SEPTIN9: variants seen among roughly 807,000 people sequenced by gnomAD.
SEPTIN9 encodes the protein septin 9, also known as septin-9.
A neutral mutation model predicts 56.6 loss-of-function variants in SEPTIN9; 13 were observed. The ratio of observed to expected loss-of-function variants is 0.23; its 90% confidence interval spans 0.15 to 0.37. The LOEUF (loss-of-function observed/expected upper bound fraction) is 0.37. SEPTIN9 is among the 10% of genes least tolerant of loss of function. The probability of loss-of-function intolerance (pLI) is 1.00; values close to 1 mark genes in which losing one functional copy is unlikely to be tolerated. For missense variants in SEPTIN9, 650 were observed against 823.1 expected (o/e 0.79, Z 2.57); for synonymous variants, 332 against 334.1 (o/e 0.99, Z 0.07).
intron 1 of SEPTIN9, among the ~76,000 whole-genome samples, chr17:77,290,183 C>A (rs1392441170): frequency 6.6e-6 from 1 of 152,066 alleles, no homozygotes; most frequent in Non-Finnish European, 1.5e-5. Context: ...GTTACAGTAG[C>A]CATGCTTATA....
chr17:77,435,831 G>A lies in SEPTIN9; in HGVS notation c.721+33128G>A, dbSNP rs1056916375. ...GCAGCAGCGCAAGCTTGCCAGCGCC[G>A]CACTGCGGGATCTGGAGGCCTTTGC... On this transcript the variant is annotated intron_variant, in intron 3 of 11. Transcript: ENST00000427177. The surrounding 1 kb of genome is among the most constrained non-coding windows in gnomAD (Gnocchi z 4.5). Among the ~76,000 whole-genome samples, 2 of 152,204 alleles carry A rather than the reference G, an allele frequency of 1.3e-5. No homozygotes were observed. The highest frequency in any genetic ancestry group is 2.1e-4 in the South Asian group (1 of 4,828).
In SEPTIN9 at chr17:77,429,091, C is replaced by G. The variant is rs546047527; in HGVS notation, c.721+26388C>G. On this transcript the variant is annotated intron_variant, in intron 3 of 11. Transcript: ENST00000427177. The surrounding 1 kb of genome is among the most constrained non-coding windows in gnomAD (Gnocchi z 5.2). ...GTACCTGTTCTTGGCTATTTGTGCC[C>G]CAGCTCCGTGTCCTCCGGTGTGTGT... 4.4e-4 allele frequency: 207 copies of G among 471,650 alleles called. No individual in the cohort carries two copies. The highest frequency in any genetic ancestry group is 8.0e-4 in the Non-Finnish European group (182 of 227,176). The allele number at this position is 471,650 out of a possible 1,614,324, so 29.2% of individuals were successfully genotyped here. A position where few individuals can be genotyped will look rare whatever the true frequency, so the allele number is the denominator to read the frequency against.
rs767758713 is a variant in SEPTIN9 at position 77,402,646 on chromosome 17, A to G, written c.664A>G (p.Arg222Gly). Reference protein sequence around the residue: ...EPAPVSQLQSRLEPKPQPPVA... With the variant: ...EPAPVSQLQSGLEPKPQPPVA... ...TGCCCCTGTGTCTCAGCTGCAGAGC[A>G]GGCTGGAGCCCAAGCCCCAGCCCCC... Residue 222 changes from arginine to glycine, a missense_variant, in exon 3 of 12, where the codon AGG (arginine) becomes GGG (glycine). By Grantham distance (125) the Arg-to-Gly change is moderately radical (BLOSUM62 -2). This residue lies in a region of SEPTIN9 where 317 missense variants were observed against 329.1 expected (regional missense o/e 0.96). Transcript: ENST00000427177. This position sits in a 1 kb window ranked among gnomAD's most constrained non-coding sequence, Gnocchi z 6.6. 8.1e-5 allele frequency: 130 copies of G among 1,612,408 alleles called. No individual in the cohort carries two copies. The highest frequency in any genetic ancestry group is 9.9e-5 in the Non-Finnish European group (117 of 1,179,386).
At chr17:77,388,494 C>T (rs993754160) in intron 2 of SEPTIN9, among the ~76,000 whole-genome samples, 1 of 151,960 alleles carries the variant, frequency 6.6e-6, no homozygotes, top group Non-Finnish European at 1.5e-5. Flanking sequence ...CGTGTAGGTT[C>T]ACGTGGGGGC....
intron 3 of SEPTIN9, among the ~76,000 whole-genome samples, chr17:77,426,135 C>T (rs1487371288): frequency 6.6e-6 from 1 of 152,120 alleles, no homozygotes; most frequent in East Asian, 1.9e-4. Context: ...CGCCCCCCAC[C>T]TCTGGTTGCC....
At chr17:77,297,111 T>C (rs897210548) in intron 1 of SEPTIN9, among the ~76,000 whole-genome samples, 1 of 152,112 alleles carries the variant, frequency 6.6e-6, no homozygotes, top group Non-Finnish European at 1.5e-5. Flanking sequence ...CTCATACCAT[T>C]GTGGAGGCCA....
rs5822196 is a variant in SEPTIN9, at chr17:77,388,810, CTTTTTTT to C, written c.77-13231_77-13225del. Among the ~76,000 whole-genome samples, 19 of 78,054 alleles carry C rather than the reference CTTTTTTT, an allele frequency of 2.4e-4. No homozygotes were observed. The South Asian group carries it at 0.01, about 42-fold the overall frequency. The allele number at this position is 78,054 out of a possible 152,430, so 51.2% of individuals were successfully genotyped here. A position where few individuals can be genotyped will look rare whatever the true frequency, so the allele number is the denominator to read the frequency against. On this transcript the variant is annotated intron_variant, in intron 2 of 11. Coordinates refer to ENST00000427177, the MANE Select transcript of SEPTIN9 (RefSeq NM_001113491.2). The stretch of plus-strand genomic sequence containing the variant: ...GCCAAGTGGCCCCTGGTGTTAGGCG[CTTTTTTT>C]TTTTTTTTTTTTTTTTTGCATTTTT...
chr17:77,452,251 C>T (rs1046444846), intron 3 of SEPTIN9, among the ~76,000 whole-genome samples: 11 of 152,234 alleles, frequency 7.2e-5, no homozygotes, highest in African/African-American at 2.7e-4. Flanking sequence ...CCCTAACGGA[C>T]CTGCTTTCAG....
chr17:77,394,592 G>T (rs55768902), intron 2 of SEPTIN9, among the ~76,000 whole-genome samples: 336 of 152,264 alleles, frequency 2.2e-3, no homozygotes, highest in African/African-American at 7.7e-3. Context: ...GCTGAGCTGC[G>T]CATGAGATTA....
At chr17:77,396,014 C>T (rs552812355) in intron 2 of SEPTIN9, among the ~76,000 whole-genome samples, 3 of 152,228 alleles carry the variant, frequency 2.0e-5, no homozygotes, top group Admixed American at 6.5e-5. Flanking sequence ...AAGTTGAGAT[C>T]GGTGGGGATT....
rs2033312420 is a variant in SEPTIN9, at chr17:77,330,644, A to C, written c.76+23447A>C. Among the ~76,000 whole-genome samples the C allele has an allele frequency of 6.6e-6, 1 of 152,206 alleles. No homozygotes were observed. Among genetic ancestry groups the C allele is most frequent in the Non-Finnish European group, 1.5e-5 (1 of 68,032 alleles). On this transcript the variant is annotated intron_variant, in intron 2 of 11. Transcript: ENST00000427177. This position sits in a 1 kb window ranked among gnomAD's most constrained non-coding sequence, Gnocchi z 4.4. ...GTGCAGCTCACCCTGCAGAACAGAC[A>C]ATTTGGTTAAAGCCTAAAGCCTGCT... is the stretch of plus-strand genomic sequence containing the variant.
At chr17:77,428,208 G>A (rs2036986726) in intron 3 of SEPTIN9, among the ~76,000 whole-genome samples, 1 of 152,234 alleles carries the variant, frequency 6.6e-6, no homozygotes, top group African/African-American at 2.4e-5. Flanking sequence ...GTGGGACACT[G>A]GCAAGGAAGC....
chr17:77,390,276 G>C (rs1285357138), intron 2 of SEPTIN9, among the ~76,000 whole-genome samples: 1 of 149,354 alleles, frequency 6.7e-6, no homozygotes, highest in Non-Finnish European at 1.5e-5. Flanking sequence ...GAACCCGGGA[G>C]GCGGAGCTTG....
In SEPTIN9 at chr17:77,475,977, A is replaced by C; in HGVS notation, c.722-6167A>C. 5 of 1,482,220 alleles carry C rather than the reference A, an allele frequency of 3.4e-6. No homozygotes were observed. The highest frequency in any genetic ancestry group is 3.7e-6 in the Non-Finnish European group (4 of 1,082,640). The allele number at this position is 1,482,220 out of a possible 1,614,324, so 91.8% of individuals were successfully genotyped here. On this transcript the variant is annotated intron_variant, in intron 3 of 11. Coordinates refer to ENST00000427177, the MANE Select transcript of SEPTIN9 (RefSeq NM_001113491.2). The surrounding 1 kb of genome is among the most constrained non-coding windows in gnomAD (Gnocchi z 4.6). ...GGGTTGGGTTTGGGGAAGACAGGGG[A>C]ATGGCATTGACTTGACCCTGAGCAC...
At chr17:77,395,275 C>G (rs1382369244) in intron 2 of SEPTIN9, among the ~76,000 whole-genome samples, 6 of 151,882 alleles carry the variant, frequency 4.0e-5, no homozygotes, top group Non-Finnish European at 8.8e-5. Flanking sequence ...CGCCTGTAAT[C>G]GCAGCACTTT....
chr17:77,377,474 G>A (rs1433820469), intron 2 of SEPTIN9, among the ~76,000 whole-genome samples: 2 of 152,072 alleles, frequency 1.3e-5, no homozygotes, highest in African/African-American at 4.8e-5. Flanking sequence ...TTTGCACACC[G>A]AGAAAGAATC....
chr17:77,369,874 A>C lies in SEPTIN9; in HGVS notation c.77-32185A>C, dbSNP rs938786319. Among the ~76,000 whole-genome samples, 2 of 151,916 alleles carry C rather than the reference A, an allele frequency of 1.3e-5. No individual in the cohort carries two copies. Among genetic ancestry groups the C allele is most frequent in the Non-Finnish European group, 2.9e-5 (2 of 67,994 alleles). ...CTGCTTCCTCGTGGATTTCCTCCCC[A>C]CTCCGTTCCCACGCTTTGTAAGCTT... On this transcript the variant is annotated intron_variant, in intron 2 of 11. Coordinates refer to ENST00000427177, the MANE Select transcript of SEPTIN9 (RefSeq NM_001113491.2). The surrounding 1 kb of genome is among the most constrained non-coding windows in gnomAD (Gnocchi z 4.9).
rs1461738824 is a variant in SEPTIN9 at position 77,318,400 on chromosome 17, C to T, written c.76+11203C>T. 6.6e-6 allele frequency among the ~76,000 whole-genome samples: 1 copy of T among 152,046 alleles called. No homozygotes were observed. Among genetic ancestry groups the T allele is most frequent in the African/African-American group, 2.4e-5 (1 of 41,384 alleles). ...CCACCTAGACCATCCAGGGTGCTCT[C>T]GCCACAGCAAGATCTGCAACTGAAT... On this transcript the variant is annotated intron_variant, in intron 2 of 11. Coordinates refer to ENST00000427177, the MANE Select transcript of SEPTIN9 (RefSeq NM_001113491.2). The surrounding 1 kb of genome is among the most constrained non-coding windows in gnomAD (Gnocchi z 4.9).
chr17:77,383,792 G>A (rs1439327534), intron 2 of SEPTIN9, among the ~76,000 whole-genome samples: 5 of 152,240 alleles, frequency 3.3e-5, no homozygotes, highest in African/African-American at 1.2e-4. Flanking sequence ...TGTAGGCAGA[G>A]GGCGCGATGG....
Sources: allele counts gnomAD v4.1 joint callset (sites outside exome capture counted in the v4.1 genomes callset), GRCh38; gene constraint gnomAD v4.1.1; regional missense constraint gnomAD v4.1.1; non-coding constraint Gnocchi (gnomAD v3.1); transcripts MANE v1.5; gene names NCBI Gene and HGNC (gene_info 2026-07-23, HGNC 2026-07-21).